Variants in ELAVL2 observed in about 807,000 individuals in gnomAD.
ELAVL2 encodes ELAV-like protein 2.
A neutral mutation model predicts 34.6 loss-of-function variants in ELAVL2; 4 were observed. The observed-to-expected ratio is 0.12, with a 90% CI of 0.06 to 0.26. ELAVL2 has a LOEUF of 0.26. ELAVL2 is among the 10% of genes least tolerant of loss of function. The probability of loss-of-function intolerance (pLI) is 1.00; values close to 1 mark genes in which losing one functional copy is unlikely to be tolerated. For synonymous variants in ELAVL2, 193 were observed against 154.8 expected, an observed-to-expected ratio of 1.25 and a Z score of -1.83; for missense variants, 432 against 442.8, an observed-to-expected ratio of 0.98 and a Z score of 0.22.
At chr9:23,811,080 A>C (rs1043512596) in intron 1 of ELAVL2, among the ~76,000 whole-genome samples, 1 of 152,180 alleles carries the variant, frequency 6.6e-6, no homozygotes, top group Non-Finnish European at 1.5e-5. Context: ...AGGAAAACCA[A>C]AACAGATGTC....
At chr9:23,731,266 A>AG (rs2046459069) in intron 2 of ELAVL2, 141 bp from the exon 3 acceptor site, 1 of 626,516 alleles carries the variant, frequency 1.6e-6, no homozygotes. Flanking sequence ...AATTCTAGAA[A>AG]TATACATGAA....
At chr9:23,847,694 T>G in the ELAVL2 span, among the ~76,000 whole-genome samples, 1 of 152,218 alleles carries the variant, frequency 6.6e-6, no homozygotes, top group African/African-American at 2.4e-5. Context: ...ACATTTTAAA[T>G]TTGCACATTA....
At chr9:23,717,328 T>C (rs1235816999) in intron 3 of ELAVL2, among the ~76,000 whole-genome samples, 1 of 152,118 alleles carries the variant, frequency 6.6e-6, no homozygotes, top group African/African-American at 2.4e-5. Context: ...GCAAGGCAAA[T>C]ATGTTTCTAC....
chr9:23,754,554 G>A (rs146941795), intron 2 of ELAVL2, among the ~76,000 whole-genome samples: 2,453 of 152,154 alleles, frequency 0.016, 30 homozygotes, highest in South Asian at 0.027. Context: ...TGCCTCCTGG[G>A]TTCAAGCAAT....
At position 23,701,433 on chromosome 9, in the gene ELAVL2, T is replaced by C. The variant is rs780465313; in HGVS notation, c.659A>G (p.Gln220Arg). The change falls in exon 5 of 7, where the codon CAG (glutamine) becomes CGG (arginine). Residue 220 changes from glutamine to arginine, a missense_variant. By Grantham distance (43) the Gln-to-Arg change is conservative. Around this residue, in one of 3 missense-constraint regions of ELAVL2, gnomAD observed 295 missense variants for 306.1 expected, o/e 0.96. Transcript: ENST00000397312. ...TCCTGGATACCTTCTGTTTGGAGAC[T>C]GGTACAGCTGGGAAAGGATGGCCTG... is the stretch of plus-strand genomic sequence containing the variant. ...TNQAILSQLY[Q>R]SPNRRYPGPL... is the part of the protein sequence containing the mutation. The C allele has an allele frequency of 8.1e-6, 13 of 1,614,118 alleles. No individual in the cohort carries two copies. Among genetic ancestry groups the C allele is most frequent in the Non-Finnish European group, 1.1e-5 (13 of 1,179,990 alleles).
intron 1 of ELAVL2, among the ~76,000 whole-genome samples, chr9:23,817,808 GATTTT>G (rs982409931): frequency 1.5e-4 from 23 of 152,200 alleles, no homozygotes; most frequent in African/African-American, 5.1e-4. Flanking sequence ...AAAAATCTAA[GATTTT>G]ATTACGCAAA....
intron 1 of ELAVL2, among the ~76,000 whole-genome samples, chr9:23,812,015 A>C (rs2063076046): frequency 1.3e-5 from 2 of 152,186 alleles, no homozygotes; most frequent in African/African-American, 4.8e-5. Flanking sequence ...GCAATAAGCA[A>C]CAACCTGGCC....
intron 1 of ELAVL2, among the ~76,000 whole-genome samples, chr9:23,775,199 A>G (rs973075311): frequency 6.6e-6 from 1 of 152,188 alleles, no homozygotes; most frequent in Admixed American, 6.5e-5. Context: ...GAAACTAGCA[A>G]TTATTGATTC....
chr9:23,722,932 T>C (rs1008390643), intron 3 of ELAVL2, among the ~76,000 whole-genome samples: 7 of 152,052 alleles, frequency 4.6e-5, no homozygotes, highest in Non-Finnish European at 1.0e-4. Flanking sequence ...AGGTATGTGG[T>C]AGAACAGACT....
intron 2 of ELAVL2, among the ~76,000 whole-genome samples, chr9:23,760,415 T>C (rs2054699521): frequency 6.6e-6 from 1 of 152,016 alleles, no homozygotes; most frequent in Non-Finnish European, 1.5e-5. Flanking sequence ...CTCAAGTCAT[T>C]TATCATATTT....
chr9:23,833,454 T>C, the ELAVL2 span, among the ~76,000 whole-genome samples: 1 of 151,858 alleles, frequency 6.6e-6, no homozygotes. Flanking sequence ...AAGATGTTAA[T>C]TTGCATACAG....
intron 3 of ELAVL2, among the ~76,000 whole-genome samples, chr9:23,723,363 C>T (rs1010700356): frequency 3.3e-5 from 5 of 151,772 alleles, no homozygotes; most frequent in Admixed American, 1.3e-4. Flanking sequence ...TAGGTGGGAA[C>T]TGAACAATGA....
the ELAVL2 span, among the ~76,000 whole-genome samples, chr9:23,842,456 C>T: frequency 6.6e-6 from 1 of 152,130 alleles, no homozygotes; most frequent in African/African-American, 2.4e-5. Flanking sequence ...TGAGAATCTA[C>T]TTTCTGACTC....
At chr9:23,784,142 G>C (rs958668845) in intron 1 of ELAVL2, among the ~76,000 whole-genome samples, 1 of 151,902 alleles carries the variant, frequency 6.6e-6, no homozygotes, top group Non-Finnish European at 1.5e-5. Flanking sequence ...AGCTTGCTGT[G>C]AGCCGAGATT....
At chr9:23,703,647 T>C (rs1056107414) in intron 4 of ELAVL2, among the ~76,000 whole-genome samples, 7 of 152,314 alleles carry the variant, frequency 4.6e-5, no homozygotes, top group Admixed American at 6.5e-5. Flanking sequence ...CTTCACTTGA[T>C]GAATGAAAAA....
intron 2 of ELAVL2, among the ~76,000 whole-genome samples, chr9:23,758,255 T>A (rs2054053235): frequency 6.6e-6 from 1 of 152,084 alleles, no homozygotes; most frequent in African/African-American, 2.4e-5. Context: ...TTTCAAAACC[T>A]TGCTAGAGAT....
intron 5 of ELAVL2, among the ~76,000 whole-genome samples, chr9:23,694,275 A>G (rs942122929): frequency 1.3e-5 from 2 of 151,880 alleles, no homozygotes; most frequent in African/African-American, 2.4e-5. Context: ...TAAAATGTTT[A>G]TAGAAAGTAA....
intron 1 of ELAVL2, among the ~76,000 whole-genome samples, chr9:23,800,609 C>T (rs1206593014): frequency 6.6e-6 from 1 of 152,188 alleles, no homozygotes; most frequent in African/African-American, 2.4e-5. Flanking sequence ...TTATCCCCAA[C>T]TTTGGAAAAC....
chr9:23,753,236 A>G (rs1328203192), intron 2 of ELAVL2, among the ~76,000 whole-genome samples: 1 of 152,170 alleles, frequency 6.6e-6, no homozygotes, highest in African/African-American at 2.4e-5. Context: ...ACAGCTCTCA[A>G]CGTTCAGTAG....
Sources: allele counts gnomAD v4.1 joint callset (sites outside exome capture counted in the v4.1 genomes callset), GRCh38; gene constraint gnomAD v4.1.1; regional missense constraint gnomAD v4.1.1; transcripts MANE v1.5; gene names NCBI Gene and HGNC (gene_info 2026-07-23, HGNC 2026-07-21).